The following ASPA variants were observed in gnomAD, a reference collection of about 807,000 sequenced individuals.
The protein encoded by ASPA is ACY-2.
A neutral mutation model predicts 29.6 loss-of-function variants in ASPA; 25 were observed. The observed-to-expected ratio is 0.85, with a 90% confidence interval of 0.62 to 1.18. The LOEUF is 1.18. ASPA is among the 50% of genes most tolerant of loss of function. The probability of loss-of-function intolerance (pLI) is 0.00; values close to 1 mark genes in which losing one functional copy is unlikely to be tolerated. For synonymous variants in ASPA, 131 were observed against 130.3 expected (o/e 1.01, Z -0.04); for missense variants, 333 against 385.7 (o/e 0.86, Z 1.14).
chr17:3,503,331 A>T lies in ASPA; in HGVS notation c.*4243A>T, dbSNP rs533320748. On this transcript the variant is annotated 3_prime_UTR_variant, in exon 6 of 6. Coordinates refer to ENST00000263080, the MANE Select transcript of ASPA (RefSeq NM_000049.4). ...TCTGGAAAGCCCATATTCTTTCTAA[A>T]TTTTTCAGCATTTTTTTCTATTTTT... 6.6e-6 allele frequency: 1 copy of T among 152,252 alleles called. No individual in the cohort carries two copies. Among genetic ancestry groups the T allele is most frequent in the African/African-American group, 2.4e-5 (1 of 41,540 alleles). 9.4% of individuals were successfully genotyped at this position (152,252 alleles called of 1,614,324 possible). A position where few individuals can be genotyped will look rare whatever the true frequency, so the allele number is the denominator to read the frequency against.
rs1465767217 is a variant in ASPA, at chr17:3,485,454, A to C, written c.526+1862A>C. Among the ~76,000 whole-genome samples, 2 of 152,230 alleles carry C rather than the reference A, an allele frequency of 1.3e-5. No homozygotes were observed. The highest frequency in any genetic ancestry group is 2.9e-5 in the Non-Finnish European group (2 of 68,042). On this transcript the variant is annotated intron_variant, in intron 3 of 5. Transcript: ENST00000263080. The surrounding 1 kb of genome is among the most constrained non-coding windows in gnomAD (Gnocchi z 4.4). ...CTTGAACCCCGGAGGTGGAGGTTGC[A>C]GTGAGCCGAGATCATGCCATTGCAC... is the stretch of plus-strand genomic sequence containing the variant.
intron 5 of ASPA, among the ~76,000 whole-genome samples, chr17:3,495,475 G>A (rs893549922): frequency 6.6e-6 from 1 of 152,228 alleles, no homozygotes; most frequent in Admixed American, 6.5e-5. Context: ...TAATACAGAC[G>A]AGTGAAGCAA....
Position 3,476,207 on chromosome 17 carries a change from C to A in ASPA, c.48C>A (p.Ile16=), listed in dbSNP as rs2150741691. The change falls in exon 1 of 6, where the codon ATC becomes ATA. Residue 16 remains isoleucine, a synonymous_variant. Transcript: ENST00000263080. ...IAEEHIQKVA[I]FGGTHGNELT... ...AAGAACATATACAAAAGGTTGCTAT[C>A]TTTGGAGGAACCCATGGGAATGAGC... 5 of 1,614,092 alleles carry A rather than the reference C, an allele frequency of 3.1e-6. No homozygotes were observed. The highest frequency in any genetic ancestry group is 3.4e-6 in the Non-Finnish European group (4 of 1,180,022).
chr17:3,488,150 G>A lies in ASPA; in HGVS notation c.527-1085G>A, dbSNP rs1486276343. Among the ~76,000 whole-genome samples, 1 of 152,134 alleles carries A rather than the reference G, an allele frequency of 6.6e-6. No individual in the cohort carries two copies. Among genetic ancestry groups the A allele is most frequent in the Non-Finnish European group, 1.5e-5 (1 of 68,020 alleles). ...AAGAGAATGAGGGTAGTGCAGTTGG[G>A]GTAAATGGTTTGCCAAATAGAGAAG... On this transcript the variant is annotated intron_variant, in intron 3 of 5. Transcript: ENST00000263080. The surrounding 1 kb of genome is among the most constrained non-coding windows in gnomAD (Gnocchi z 6.1).
rs1165006885 is a variant in ASPA at position 3,500,483 on chromosome 17, T to G, written c.*1395T>G. 6.8e-6 allele frequency: 1 copy of G among 147,160 alleles called. No individual in the cohort carries two copies. Among genetic ancestry groups the G allele is most frequent in the African/African-American group, 2.5e-5 (1 of 40,118 alleles). The allele number at this position is 147,160 out of a possible 1,614,324, so 9.1% of individuals were successfully genotyped here. A position where few individuals can be genotyped will look rare whatever the true frequency, so the allele number is the denominator to read the frequency against. On this transcript the variant is annotated 3_prime_UTR_variant, in exon 6 of 6. Transcript: ENST00000263080. ...TTAAAGCCAAAGCTCATTAACTGTT[T>G]CAAAAATCCTAAAACTCTTGTTTTT...
chr17:3,484,485 T>G (rs938319773), intron 3 of ASPA, among the ~76,000 whole-genome samples: 19 of 151,898 alleles, frequency 1.3e-4, no homozygotes, highest in African/African-American at 4.6e-4. Flanking sequence ...CCCAAAGAAG[T>G]GGGATCCATC....
At chr17:3,482,256 A>G (rs1452317285) in intron 2 of ASPA, among the ~76,000 whole-genome samples, 1 of 152,212 alleles carries the variant, frequency 6.6e-6, no homozygotes, top group Non-Finnish European at 1.5e-5. Flanking sequence ...TTTAACGTAG[A>G]CTAAAGCCCA....
At position 3,499,041 on chromosome 17, in the gene ASPA, A is replaced by G. The variant is rs775163203; in HGVS notation, c.895A>G (p.Thr299Ala). The G allele has an allele frequency of 3.1e-6, 5 of 1,614,188 alleles. No homozygotes were observed. The Admixed American group carries it at 5.0e-5, about 16-fold the overall frequency. The part of the protein sequence containing the change: ...YEKKEAFAKT[T>A]KLTLNAKSIR... ...AAAGAAAGAAGCTTTTGCAAAGACA[A>G]CTAAACTAACGCTCAATGCAAAAAG... The change falls in exon 6 of 6, where the codon ACT becomes GCT. Residue 299 changes from threonine (T) to alanine (A), a missense_variant. Thr to Ala is a moderately conservative substitution (Grantham distance 58, BLOSUM62 0). Coordinates refer to ENST00000263080, the MANE Select transcript of ASPA (RefSeq NM_000049.4).
intron 5 of ASPA, among the ~76,000 whole-genome samples, chr17:3,496,771 A>C (rs1250188827): frequency 6.6e-6 from 1 of 152,168 alleles, no homozygotes; most frequent in Non-Finnish European, 1.5e-5. Context: ...AGCTTTTTAA[A>C]AATGCTGATT....
intron 1 of ASPA, among the ~76,000 whole-genome samples, chr17:3,478,544 T>A (rs1175545860): frequency 6.6e-6 from 1 of 152,236 alleles, no homozygotes; most frequent in Non-Finnish European, 1.5e-5. Context: ...AAGAATTTGT[T>A]GAAGGATAAC....
At chr17:3,495,566 T>C (rs2073894910) in intron 5 of ASPA, among the ~76,000 whole-genome samples, 2 of 151,878 alleles carry the variant, frequency 1.3e-5, no homozygotes, top group African/African-American at 4.8e-5. Context: ...GTTTTTGTTT[T>C]TGTTTTTGTT....
Position 3,489,276 on chromosome 17 carries a change from G to C in ASPA, c.568G>C (p.Asp190His). ...TCAGCCTCAAGGGGTTCTGAGAGCT[G>C]ATATCTTGGATCAAATGAGAAAAAT... is the stretch of plus-strand genomic sequence containing the variant. ...GPQPQGVLRADILDQMRKMIK... is the reference protein window; with the variant it reads ...GPQPQGVLRAHILDQMRKMIK... The change falls in exon 4 of 6, where the codon GAT becomes CAT. Residue 190 changes from aspartate to histidine, a missense_variant. Coordinates refer to ENST00000263080, the MANE Select transcript of ASPA (RefSeq NM_000049.4). The C allele has an allele frequency of 6.2e-7, 1 of 1,613,212 alleles. No individual in the cohort carries two copies. The highest frequency in any genetic ancestry group is 8.5e-7 in the Non-Finnish European group (1 of 1,179,760).
In ASPA at chr17:3,502,185, A is replaced by C. The variant is rs935807527; in HGVS notation, c.*3097A>C. 3 of 152,382 alleles carry C rather than the reference A, an allele frequency of 2.0e-5. No individual in the cohort carries two copies. The highest frequency in any genetic ancestry group is 1.3e-4 in the Admixed American group (2 of 15,306). The allele number at this position is 152,382 out of a possible 1,614,324, so 9.4% of individuals were successfully genotyped here. ...CCAGCAAAAAGATCATGAATTGCTG[A>C]AAGCTCAAATGATGGTTAGCTTTTT... On this transcript the variant is annotated 3_prime_UTR_variant, in exon 6 of 6. Coordinates refer to ENST00000263080, the MANE Select transcript of ASPA (RefSeq NM_000049.4).
At chr17:3,480,579 C>T (rs938365407) in intron 1 of ASPA, among the ~76,000 whole-genome samples, 10 of 152,200 alleles carry the variant, frequency 6.6e-5, no homozygotes, top group Admixed American at 6.5e-4. Flanking sequence ...TTAGGTTTTA[C>T]AATAGTGATG....
chr17:3,492,446 G>A (rs893114257), intron 4 of ASPA, among the ~76,000 whole-genome samples: 5 of 152,180 alleles, frequency 3.3e-5, no homozygotes, highest in African/African-American at 1.2e-4. Flanking sequence ...CATCTTGGAA[G>A]GTGTGGTAGA....
At position 3,481,510 on chromosome 17, in the gene ASPA, G is replaced by A; in HGVS notation, c.237-93G>A. 3.5e-6 allele frequency: 4 copies of A among 1,154,244 alleles called. No homozygotes were observed. The South Asian group carries it at 5.7e-5, about 17-fold the overall frequency. The allele number at this position is 1,154,244 out of a possible 1,614,324, so 71.5% of individuals were successfully genotyped here. ...CACAGATTTTTCATATTAAAGATTT[G>A]GCGACTGGTTCTTTTTACACTGTGT... On this transcript the variant is annotated intron_variant, in intron 1 of 5. Transcript: ENST00000263080.
chr17:3,489,700 A>T (rs1349002648), intron 4 of ASPA, among the ~76,000 whole-genome samples: 3 of 152,236 alleles, frequency 2.0e-5, no homozygotes, highest in Non-Finnish European at 4.4e-5. Flanking sequence ...AAGTCTGCAA[A>T]TATCAAGCGT....
intron 4 of ASPA, among the ~76,000 whole-genome samples, chr17:3,492,839 CA>C (rs2073847701): frequency 6.6e-6 from 1 of 152,028 alleles, no homozygotes; most frequent in Non-Finnish European, 1.5e-5. Context: ...AAGGCAGGAG[CA>C]AAACAATAAA....
At chr17:3,486,018 C>A (rs1217344201) in intron 3 of ASPA, among the ~76,000 whole-genome samples, 1 of 151,558 alleles carries the variant, frequency 6.6e-6, no homozygotes, top group South Asian at 2.1e-4. Flanking sequence ...CTGCAACCTC[C>A]GCCTCCTGGG....
Sources: allele counts gnomAD v4.1 joint callset (sites outside exome capture counted in the v4.1 genomes callset), GRCh38; gene constraint gnomAD v4.1.1; non-coding constraint Gnocchi (gnomAD v3.1); transcripts MANE v1.5; gene names NCBI Gene and HGNC (gene_info 2026-07-23, HGNC 2026-07-21).